Variants in STK32A observed in about 807,000 individuals in gnomAD.
The protein encoded by STK32A is serine/threonine kinase 32A, also known as serine/threonine-protein kinase 32A.
A neutral mutation model predicts 53.2 loss-of-function variants in STK32A; 41 were observed. The observed-to-expected ratio is 0.77, with a 90% CI of 0.60 to 1.00. The LOEUF is 1.00. Ranked by LOEUF, STK32A falls within the 50% of genes least tolerant of loss-of-function variation. STK32A has a pLI of 0.00. For synonymous variants in STK32A, 166 were observed against 162.8 expected (o/e 1.02, Z -0.15); for missense variants, 458 against 485.8 (o/e 0.94, Z 0.54).
At chr5:147,314,620 A>G (rs959656942) in intron 4 of STK32A, among the ~76,000 whole-genome samples, 2 of 151,954 alleles carry the variant, frequency 1.3e-5, no homozygotes, top group Non-Finnish European at 2.9e-5. Context: ...GTAGTTTTAC[A>G]TTAAAAGATA....
At chr5:147,336,647 A>G (rs1755138166) in intron 5 of STK32A, among the ~76,000 whole-genome samples, 1 of 152,164 alleles carries the variant, frequency 6.6e-6, no homozygotes, top group Admixed American at 6.5e-5. Context: ...TGTGAAGTAC[A>G]ATCTTAGGAG....
chr5:147,331,056 C>A (rs1164742303), intron 5 of STK32A, among the ~76,000 whole-genome samples: 1 of 152,100 alleles, frequency 6.6e-6, no homozygotes, highest in African/African-American at 2.4e-5. Context: ...TGCAGCTAAT[C>A]ATTTTAGTCA....
At chr5:147,278,382 T>A (rs574917149) in intron 3 of STK32A, among the ~76,000 whole-genome samples, 35 of 152,332 alleles carry the variant, frequency 2.3e-4, no homozygotes, top group African/African-American at 7.0e-4. Context: ...GAACATATAC[T>A]GTTGTCAGAA....
chr5:147,397,811 A>T, the STK32A span: 1 of 1,613,466 alleles, frequency 6.2e-7, no homozygotes, highest in Non-Finnish European at 8.5e-7. Context: ...AGCCCCGCGC[A>T]GCTCCATCCC....
chr5:147,401,707 C>G, the STK32A span: 3 of 1,613,864 alleles, frequency 1.9e-6, no homozygotes, highest in South Asian at 3.3e-5. Flanking sequence ...CTAGAAGGGG[C>G]AGGAAACAGA....
rs757980350 is a variant in STK32A at position 147,385,683 on chromosome 5, TACAGATAC to T, written c.*1707_*1714del. ...ACGTGCATATGATGTAACTCCACTG[TACAGATAC>T]ACAGATCTTTACAGAAGAACTATTT... On this transcript the variant is annotated 3_prime_UTR_variant, in exon 13 of 13. Coordinates refer to ENST00000397936, the MANE Select transcript of STK32A (RefSeq NM_001112724.2). 2 of 152,252 alleles carry T rather than the reference TACAGATAC, an allele frequency of 1.3e-5. No individual in the cohort carries two copies. Among genetic ancestry groups the T allele is most frequent in the African/African-American group, 2.4e-5 (1 of 41,466 alleles). 9.4% of individuals were successfully genotyped at this position (152,252 alleles called of 1,614,324 possible). A position where few individuals can be genotyped will look rare whatever the true frequency, so the allele number is the denominator to read the frequency against.
chr5:147,268,232 A>G (rs927461426), intron 2 of STK32A, among the ~76,000 whole-genome samples: 1 of 152,158 alleles, frequency 6.6e-6, no homozygotes, highest in Admixed American at 6.6e-5. Context: ...CTGAGAAATT[A>G]CCTTCCTGAT....
the STK32A span, among the ~76,000 whole-genome samples, chr5:147,394,900 A>C: frequency 6.6e-6 from 1 of 151,870 alleles, no homozygotes; most frequent in Non-Finnish European, 1.5e-5. Context: ...TTGTTATCTT[A>C]CTTCCTTCAC....
intron 2 of STK32A, among the ~76,000 whole-genome samples, chr5:147,277,847 G>A (rs1041458524): frequency 2.0e-5 from 3 of 152,118 alleles, no homozygotes; most frequent in Non-Finnish European, 2.9e-5. Flanking sequence ...GTCTATAAGA[G>A]TCTCCGTCTT....
At position 147,246,115 on chromosome 5, in the gene STK32A, C is replaced by T. The variant is rs147732196; in HGVS notation, c.52+6429C>T. Among the ~76,000 whole-genome samples, 391 of 152,232 alleles carry T rather than the reference C, an allele frequency of 2.6e-3. 3 individuals carry two copies. Among genetic ancestry groups the T allele is most frequent in the African/African-American group, 8.8e-3 (364 of 41,530 alleles). On this transcript the variant is annotated intron_variant, in intron 2 of 12. Coordinates refer to ENST00000397936, the MANE Select transcript of STK32A (RefSeq NM_001112724.2). ...ATGCTGTCTCGTATTTATTATTTTG[C>T]ATTAGAATGGTTGGAAAAGTTAAAG...
intron 4 of STK32A, among the ~76,000 whole-genome samples, chr5:147,289,175 A>G (rs1322623138): frequency 6.6e-6 from 1 of 151,646 alleles, no homozygotes; most frequent in Non-Finnish European, 1.5e-5. Context: ...TTTGTTTTCT[A>G]TCCTCATTCT....
chr5:147,308,719 C>T lies in STK32A; in HGVS notation c.261-15179C>T, dbSNP rs1233221757. Reference sequence around the variant, plus strand: ...AGAAAGTTTCTTTTCTGTCCTAAGTCACTAGAAGTTTTTTTTTTTTTTAAC... The same window carrying T: ...AGAAAGTTTCTTTTCTGTCCTAAGTTACTAGAAGTTTTTTTTTTTTTTAAC... On this transcript the variant is annotated intron_variant, in intron 4 of 12. Transcript: ENST00000397936. 3.6e-5 allele frequency among the ~76,000 whole-genome samples: 5 copies of T among 140,456 alleles called. No homozygotes were observed. The East Asian group carries it at 1.0e-3, about 29-fold the overall frequency. The allele number at this position is 140,456 out of a possible 152,430, so 92.1% of individuals were successfully genotyped here.
chr5:147,266,845 G>A (rs1365419122), intron 2 of STK32A, among the ~76,000 whole-genome samples: 1 of 152,188 alleles, frequency 6.6e-6, no homozygotes, highest in Non-Finnish European at 1.5e-5. Context: ...ATAACATAGA[G>A]AAACCCTGCC....
At chr5:147,255,467 G>A (rs1452550714) in intron 2 of STK32A, among the ~76,000 whole-genome samples, 1 of 152,146 alleles carries the variant, frequency 6.6e-6, no homozygotes, top group African/African-American at 2.4e-5. Context: ...AGTAAGAATT[G>A]AGGCTATTAT....
chr5:147,400,863 A>AGGGGAGATGGCTGGAG, the STK32A span: 8 of 1,606,246 alleles, frequency 5.0e-6, no homozygotes, highest in Admixed American at 3.3e-5. Flanking sequence ...CCACATGAAC[A>AGGGGAGATGGCTGGAG]GGGGAGATGG....
At chr5:147,330,618 G>A (rs1754819788) in intron 5 of STK32A, among the ~76,000 whole-genome samples, 1 of 152,206 alleles carries the variant, frequency 6.6e-6, no homozygotes, top group South Asian at 2.1e-4. Context: ...GAACTTCCCT[G>A]TCAAGGAAGA....
chr5:147,331,265 C>G (rs190878579), intron 5 of STK32A, among the ~76,000 whole-genome samples: 34 of 152,238 alleles, frequency 2.2e-4, no homozygotes, highest in African/African-American at 8.2e-4. Context: ...TAGGAGCTAT[C>G]ACTTATTGTT....
In STK32A at chr5:147,278,088, T is replaced by A. The variant is rs1384668524; in HGVS notation, c.53-36T>A. ...TTATTAGCTACTAAAGAGAAATTGA[T>A]AATTACTCATGATATTCTTCTTTTT... On this transcript the variant is annotated intron_variant, in intron 2 of 12. Transcript: ENST00000397936. 4.0e-6 allele frequency: 6 copies of A among 1,513,068 alleles called. No homozygotes were observed. The African/African-American group carries it at 8.3e-5, about 21-fold the overall frequency. The allele number at this position is 1,513,068 out of a possible 1,614,324, so 93.7% of individuals were successfully genotyped here.
At chr5:147,388,004 G>C (rs1757717484), downstream of STK32A, among the ~76,000 whole-genome samples, 1 of 152,160 alleles carries the variant, frequency 6.6e-6, no homozygotes, top group African/African-American at 2.4e-5. Context: ...ATAATATTCT[G>C]TGACAGAGAT....
Sources: gnomAD v4.1 joint callset for allele counts (sites outside exome capture counted in the v4.1 genomes callset) on GRCh38, gnomAD v4.1.1 for gene constraint, MANE v1.5 for transcripts, NCBI Gene and HGNC (gene_info 2026-07-23, HGNC 2026-07-21) for gene names.